The following SH3RF1 variants were observed in gnomAD, a reference collection of about 807,000 sequenced individuals.
SH3RF1 encodes E3 ubiquitin-protein ligase SH3RF1.
Under a neutral mutation model 74.0 loss-of-function variants are expected in SH3RF1, and 32 were observed. The observed-to-expected ratio is 0.43, with a 90% confidence interval of 0.33 to 0.58. The LOEUF (loss-of-function observed/expected upper bound fraction) is 0.58. SH3RF1 is among the 20% of genes least tolerant of loss of function. The pLI is 0.05. For missense variants in SH3RF1, 954 were observed against 1,130.9 expected (o/e 0.84, Z 2.24); for synonymous variants, 396 against 439.6 (o/e 0.90, Z 1.24).
At chr4:169,134,775 A>C (rs1226875533) in intron 5 of SH3RF1, among the ~76,000 whole-genome samples, 1 of 152,170 alleles carries the variant, frequency 6.6e-6, no homozygotes, top group Non-Finnish European at 1.5e-5. Flanking sequence ...CCCATTTTTC[A>C]AGTGACTCAT....
At chr4:169,153,054 C>A (rs1203216924) in intron 4 of SH3RF1, among the ~76,000 whole-genome samples, 2 of 152,222 alleles carry the variant, frequency 1.3e-5, no homozygotes, top group African/African-American at 4.8e-5. Flanking sequence ...CCCGTGCAGA[C>A]TTTCTGCCCT....
intron 2 of SH3RF1, among the ~76,000 whole-genome samples, chr4:169,244,240 T>G (rs914248611): frequency 6.6e-6 from 1 of 152,210 alleles, no homozygotes; most frequent in African/African-American, 2.4e-5. Flanking sequence ...TTGGCTGCCC[T>G]GCACAAACAC....
At chr4:169,147,261 A>G (rs1411954542) in intron 4 of SH3RF1, among the ~76,000 whole-genome samples, 1 of 152,222 alleles carries the variant, frequency 6.6e-6, no homozygotes, top group Non-Finnish European at 1.5e-5. Context: ...TATTTTCTAC[A>G]ACCTGATTAC....
chr4:169,176,573 C>T (rs1019840072), intron 2 of SH3RF1, among the ~76,000 whole-genome samples: 8 of 152,234 alleles, frequency 5.3e-5, no homozygotes, highest in African/African-American at 1.9e-4. Context: ...CAGAGTCTCA[C>T]TCTGTCACCC....
At chr4:169,170,131 A>C (rs1734302112) in intron 2 of SH3RF1, among the ~76,000 whole-genome samples, 1 of 152,206 alleles carries the variant, frequency 6.6e-6, no homozygotes, top group South Asian at 2.1e-4. Context: ...AATGAGAGCA[A>C]CTTAAAGGGA....
At chr4:169,142,111 C>T (rs1733797124) in intron 4 of SH3RF1, among the ~76,000 whole-genome samples, 1 of 152,178 alleles carries the variant, frequency 6.6e-6, no homozygotes, top group East Asian at 1.9e-4. Flanking sequence ...AGCCACTGCA[C>T]CTGGCCTTAA....
intron 2 of SH3RF1, among the ~76,000 whole-genome samples, chr4:169,236,832 G>C (rs536028294): frequency 3.7e-4 from 56 of 152,110 alleles, no homozygotes; most frequent in Non-Finnish European, 6.6e-4. Context: ...AGGCTCAAAG[G>C]CTAACAAATA....
At chr4:169,250,159 C>T (rs924489940) in intron 2 of SH3RF1, among the ~76,000 whole-genome samples, 4 of 152,154 alleles carry the variant, frequency 2.6e-5, no homozygotes, top group Non-Finnish European at 4.4e-5. Flanking sequence ...AAAAGCATTC[C>T]TTTCCATGCT....
At chr4:169,202,837 AT>A (rs1401847741) in intron 2 of SH3RF1, among the ~76,000 whole-genome samples, 2 of 152,218 alleles carry the variant, frequency 1.3e-5, no homozygotes, top group African/African-American at 4.8e-5. Context: ...ACCATTATAA[AT>A]GTTGAGGTGG....
rs1415572465 is a variant in SH3RF1, at chr4:169,095,471, T to C, written c.*1048A>G. On this transcript the variant is annotated 3_prime_UTR_variant, in exon 12 of 12. Transcript: ENST00000284637. ...ATTACTGTGGGAATCCAGTAATACA[T>C]GCAAGACGTGGGGAAAGAATCACAA... 6.6e-6 allele frequency: 1 copy of C among 152,640 alleles called. No homozygotes were observed. Among genetic ancestry groups the C allele is most frequent in the Non-Finnish European group, 1.5e-5 (1 of 68,044 alleles). The allele number at this position is 152,640 out of a possible 1,614,324, so 9.5% of individuals were successfully genotyped here. A position where few individuals can be genotyped will look rare whatever the true frequency, so the allele number is the denominator to read the frequency against.
chr4:169,223,174 G>A (rs766644778), intron 2 of SH3RF1, among the ~76,000 whole-genome samples: 6 of 152,190 alleles, frequency 3.9e-5, no homozygotes, highest in Non-Finnish European at 8.8e-5. Context: ...CCATTGACAG[G>A]TAACAGACCC....
chr4:169,208,566 A>G (rs1437908301), intron 2 of SH3RF1, among the ~76,000 whole-genome samples: 2 of 152,220 alleles, frequency 1.3e-5, no homozygotes, highest in Non-Finnish European at 2.9e-5. Flanking sequence ...AGAACATATA[A>G]TCTAAAAGGC....
intron 2 of SH3RF1, among the ~76,000 whole-genome samples, chr4:169,204,499 T>C (rs1396688954): frequency 1.3e-5 from 2 of 152,102 alleles, no homozygotes; most frequent in Non-Finnish European, 2.9e-5. Flanking sequence ...ACACAATTAG[T>C]TTACAGAAAT....
chr4:169,220,761 C>G (rs903825726), intron 2 of SH3RF1, among the ~76,000 whole-genome samples: 1 of 152,216 alleles, frequency 6.6e-6, no homozygotes, highest in Non-Finnish European at 1.5e-5. Flanking sequence ...TTACTATTCA[C>G]TGGTGTGTAA....
intron 2 of SH3RF1, among the ~76,000 whole-genome samples, chr4:169,198,288 T>C (rs949787050): frequency 2.6e-5 from 4 of 152,348 alleles, no homozygotes; most frequent in East Asian, 1.9e-4. Context: ...GCACAATGAA[T>C]ACTTTTAACA....
At chr4:169,245,509 T>G (rs1730980892) in intron 2 of SH3RF1, among the ~76,000 whole-genome samples, 1 of 152,174 alleles carries the variant, frequency 6.6e-6, no homozygotes, top group Non-Finnish European at 1.5e-5. Flanking sequence ...GCTTATGTCC[T>G]TATACCAGGG....
rs186397137 is a variant in SH3RF1 at position 169,166,902 on chromosome 4, T to C, written c.394-10223A>G. The C allele has an allele frequency of 1.6e-4, 43 of 275,364 alleles. No individual in the cohort carries two copies. In the East Asian group the frequency reaches 3.5e-3, roughly 23 times the overall value. 17.1% of individuals were successfully genotyped at this position (275,364 alleles called of 1,614,324 possible). The stretch of plus-strand genomic sequence containing the variant: ...ATGTAAAAATCTCAAAACATCTTAC[T>C]GTTGCTTACTTCAAGAAGAGGCAGC... On this transcript the variant is annotated intron_variant, in intron 2 of 11. Coordinates refer to ENST00000284637, the MANE Select transcript of SH3RF1 (RefSeq NM_020870.4).
intron 10 of SH3RF1, among the ~76,000 whole-genome samples, chr4:169,108,169 A>G (rs1733179344): frequency 6.6e-6 from 1 of 152,244 alleles, no homozygotes; most frequent in African/African-American, 2.4e-5. Context: ...TGTCAACTAC[A>G]TCATTAAGTT....
chr4:169,124,609 G>A (rs1733495379), intron 6 of SH3RF1, among the ~76,000 whole-genome samples: 1 of 152,194 alleles, frequency 6.6e-6, no homozygotes, highest in Non-Finnish European at 1.5e-5. Context: ...ATGCATGTTT[G>A]CATGTGTAAA....
Sources: gnomAD v4.1 joint callset for allele counts (sites outside exome capture counted in the v4.1 genomes callset) on GRCh38, gnomAD v4.1.1 for gene constraint, MANE v1.5 for transcripts, NCBI Gene and HGNC (gene_info 2026-07-23, HGNC 2026-07-21) for gene names.